TAFA2: variants seen among roughly 807,000 people sequenced by gnomAD.
TAFA2 encodes TAFA chemokine like family member 2, also known as chemokine-like protein TAFA-2.
In TAFA2, 7 loss-of-function variants were observed where a neutral mutation model predicts 18.8. That is an observed-to-expected ratio of 0.37 (90% CI 0.21 to 0.70). The LOEUF is 0.70. TAFA2 is among the 30% of genes least tolerant of loss of function. The probability of loss-of-function intolerance (pLI) is 0.53; values close to 1 mark genes in which losing one functional copy is unlikely to be tolerated. For synonymous variants in TAFA2, 60 were observed against 54.2 expected, an observed-to-expected ratio of 1.11 and a Z score of -0.47; for missense variants, 122 against 158.1, an observed-to-expected ratio of 0.77 and a Z score of 1.23.
At chr12:62,176,702 A>G (rs2062516810) in intron 1 of TAFA2, among the ~76,000 whole-genome samples, 1 of 152,246 alleles carries the variant, frequency 6.6e-6, no homozygotes, top group African/African-American at 2.4e-5. Context: ...AATCTGAGAC[A>G]TATTCAAAGA....
At chr12:61,949,061 C>T (rs539733212) in intron 1 of TAFA2, among the ~76,000 whole-genome samples, 1 of 152,266 alleles carries the variant, frequency 6.6e-6, no homozygotes, top group African/African-American at 2.4e-5. Context: ...TAAGGCATTA[C>T]TCTGTGTGTA....
intron 1 of TAFA2, among the ~76,000 whole-genome samples, chr12:62,094,046 A>T (rs370119138): frequency 6.8e-6 from 1 of 147,244 alleles, no homozygotes; most frequent in African/African-American, 2.5e-5. Context: ...TTGGTTTTAA[A>T]TTCAGAAAAC....
intron 4 of TAFA2, among the ~76,000 whole-genome samples, chr12:61,736,492 T>C (rs2120678679): frequency 6.6e-6 from 1 of 152,142 alleles, no homozygotes; most frequent in East Asian, 1.9e-4. Flanking sequence ...TTATTGGTAT[T>C]TTTCTGCCTG....
chr12:61,863,448 G>A (rs1386008992), intron 2 of TAFA2, among the ~76,000 whole-genome samples: 1 of 152,162 alleles, frequency 6.6e-6, no homozygotes, highest in Non-Finnish European at 1.5e-5. Context: ...AAAACATTAG[G>A]AAAGCCTCCT....
intron 1 of TAFA2, among the ~76,000 whole-genome samples, chr12:61,955,632 A>AAATATATTTATATATAT (rs1878655397): frequency 2.4e-5 from 1 of 41,210 alleles, no homozygotes; most frequent in African/African-American, 1.2e-4. Context: ...AAAAAAAAAA[A>AAATATATTTATATATAT]ATATATATAT....
chr12:61,897,924 T>C (rs1875925012), intron 1 of TAFA2, among the ~76,000 whole-genome samples: 1 of 152,160 alleles, frequency 6.6e-6, no homozygotes. Flanking sequence ...GCCTGTAAAA[T>C]CAAAAGCAAG....
chr12:61,793,790 A>G (rs1437021993), intron 2 of TAFA2, among the ~76,000 whole-genome samples: 2 of 152,002 alleles, frequency 1.3e-5, no homozygotes, highest in African/African-American at 4.8e-5. Context: ...ACATTGTAAG[A>G]AAAGAAACCA....
chr12:62,189,590 A>G (rs1398860526), intron 1 of TAFA2, among the ~76,000 whole-genome samples: 1 of 152,250 alleles, frequency 6.6e-6, no homozygotes, highest in African/African-American at 2.4e-5. Flanking sequence ...GTACAAATGC[A>G]AACATGGAAA....
At chr12:61,910,283 G>A (rs187512725) in intron 1 of TAFA2, among the ~76,000 whole-genome samples, 19 of 152,122 alleles carry the variant, frequency 1.2e-4, no homozygotes, top group Admixed American at 2.6e-4. Flanking sequence ...TGCACTGATC[G>A]TACAATTTCA....
chr12:62,131,042 A>G (rs980258422), intron 1 of TAFA2, among the ~76,000 whole-genome samples: 1 of 151,974 alleles, frequency 6.6e-6, no homozygotes, highest in Non-Finnish European at 1.5e-5. Flanking sequence ...ATAAAATAAC[A>G]TGTTAAAACT....
At chr12:62,016,450 C>T (rs1173623627) in intron 1 of TAFA2, among the ~76,000 whole-genome samples, 2 of 152,098 alleles carry the variant, frequency 1.3e-5, no homozygotes. Flanking sequence ...ATCCTAAGGA[C>T]ACAACTGCCA....
chr12:61,922,352 G>C (rs993435585), intron 1 of TAFA2, among the ~76,000 whole-genome samples: 1 of 152,118 alleles, frequency 6.6e-6, no homozygotes, highest in Non-Finnish European at 1.5e-5. Context: ...AGCTCCCAGC[G>C]AGACCAACAC....
chr12:61,906,732 C>T (rs901172451), intron 1 of TAFA2, among the ~76,000 whole-genome samples: 2 of 152,098 alleles, frequency 1.3e-5, no homozygotes, highest in African/African-American at 4.8e-5. Context: ...ATGGCTTTGA[C>T]CAAAATGCTG....
intron 1 of TAFA2, among the ~76,000 whole-genome samples, chr12:62,238,971 A>T (rs2062849953): frequency 6.6e-6 from 1 of 152,232 alleles, no homozygotes. Flanking sequence ...TGATTCCAAG[A>T]CGATTTATAA....
chr12:61,932,607 T>C (rs1027574490), intron 1 of TAFA2, among the ~76,000 whole-genome samples: 24 of 152,046 alleles, frequency 1.6e-4, no homozygotes, highest in African/African-American at 5.8e-4. Context: ...CACGCCCAGC[T>C]AATTTTTGTA....
rs199545489 is a variant in TAFA2, at chr12:61,710,449, T to A, written c.385-32A>T. The A allele has an allele frequency of 1.9e-6, 3 of 1,549,450 alleles. No individual in the cohort carries two copies. In the Admixed American group the frequency reaches 5.1e-5, roughly 26 times the overall value. The stretch of plus-strand genomic sequence containing the variant: ...AGGAAGGAGAAAATATAGTCAACAT[T>A]TCATAACATACCGATAATCTTAAAA... On this transcript the variant is annotated intron_variant, in intron 4 of 4. Coordinates refer to ENST00000416284, the MANE Select transcript of TAFA2 (RefSeq NM_178539.5).
In TAFA2 at chr12:61,756,134, C is replaced by T. The variant is rs555019295; in HGVS notation, c.107-1110G>A. On this transcript the variant is annotated intron_variant, in intron 2 of 4. Transcript: ENST00000416284. ...TGAAACCAATGTGCAATAAGTCAGGCTAAGTAGTTCGCTCAGATTTTTCTA... is the reference window on the plus strand; with the variant it reads ...TGAAACCAATGTGCAATAAGTCAGGTTAAGTAGTTCGCTCAGATTTTTCTA... 4.1e-4 allele frequency among the ~76,000 whole-genome samples: 62 copies of T among 152,080 alleles called. 1 individual carries two copies. The South Asian group carries it at 0.013, about 31-fold the overall frequency.
chr12:61,945,631 C>CA (rs2121436355), intron 1 of TAFA2, among the ~76,000 whole-genome samples: 1 of 124,614 alleles, frequency 8.0e-6, no homozygotes, highest in Non-Finnish European at 1.7e-5. Flanking sequence ...AATCAATGTA[C>CA]AAAAATCACA....
intron 1 of TAFA2, among the ~76,000 whole-genome samples, chr12:62,219,115 C>T (rs1232215815): frequency 6.6e-6 from 1 of 151,422 alleles, no homozygotes; most frequent in African/African-American, 2.4e-5. Context: ...ACACACAAAA[C>T]AACTTAAGTT....
Sources: allele counts gnomAD v4.1 joint callset (sites outside exome capture counted in the v4.1 genomes callset), GRCh38; gene constraint gnomAD v4.1.1; transcripts MANE v1.5; gene names NCBI Gene and HGNC (gene_info 2026-07-23, HGNC 2026-07-21).